Variants in DRD3 observed in about 807,000 individuals in gnomAD.
DRD3 encodes D(3) dopamine receptor.
A neutral mutation model predicts 36.3 loss-of-function variants in DRD3; 19 were observed. That is an observed-to-expected ratio of 0.52 (90% confidence interval 0.36 to 0.77). The LOEUF is 0.77. Ranked by LOEUF, DRD3 falls within the 30% of genes least tolerant of loss-of-function variation. The probability of loss-of-function intolerance (pLI) is 0.00; values close to 1 mark genes in which losing one functional copy is unlikely to be tolerated. For synonymous variants in DRD3, 195 were observed against 203.7 expected, an observed-to-expected ratio of 0.96 and a Z score of 0.36; for missense variants, 465 against 505.3, an observed-to-expected ratio of 0.92 and a Z score of 0.77.
intron 1 of DRD3, among the ~76,000 whole-genome samples, chr3:114,184,832 G>T (rs2077966814): frequency 6.6e-6 from 1 of 152,104 alleles, no homozygotes; most frequent in Non-Finnish European, 1.5e-5. Context: ...CCAAAATGTT[G>T]GGATTATATG....
chr3:114,131,515 A>T, intron 5 of DRD3, 115 bp from the exon 6 acceptor site: 1 of 1,381,066 alleles, frequency 7.2e-7, no homozygotes, highest in Non-Finnish European at 9.7e-7. Flanking sequence ...AGTTGTGGGA[A>T]ACCTACAAAG....
At chr3:114,147,578 G>A (rs747724322) in intron 3 of DRD3, 21 bp from the exon 4 acceptor site, 2 of 1,601,044 alleles carry the variant, frequency 1.2e-6, no homozygotes, top group South Asian at 2.2e-5. Flanking sequence ...AAGGGGAGAG[G>A]GGATAGGCAT....
intron 3 of DRD3, among the ~76,000 whole-genome samples, chr3:114,148,794 C>G (rs767303970): frequency 4.6e-5 from 7 of 152,152 alleles, no homozygotes; most frequent in Non-Finnish European, 8.8e-5. Flanking sequence ...CTCACTGCAA[C>G]CTCTGTCTCC....
At chr3:114,154,780 C>T (rs2077650056) in intron 3 of DRD3, among the ~76,000 whole-genome samples, 1 of 152,056 alleles carries the variant, frequency 6.6e-6, no homozygotes, top group Admixed American at 6.6e-5. Flanking sequence ...GGGCTCCTCT[C>T]GGAGGACTCT....
chr3:114,140,265 C>T (rs1559983674), intron 4 of DRD3, among the ~76,000 whole-genome samples: 1 of 152,188 alleles, frequency 6.6e-6, no homozygotes, highest in Non-Finnish European at 1.5e-5. Context: ...TTTGATTTTT[C>T]AGGGAATCCC....
intron 2 of DRD3, among the ~76,000 whole-genome samples, chr3:114,162,166 C>T (rs226082): frequency 0.6 from 90,761 of 152,044 alleles, 29,214 homozygotes; most frequent in East Asian, 0.72. Flanking sequence ...AGAAGTAAGG[C>T]ATTCATCAAT....
At chr3:114,164,016 T>G (rs941147596) in intron 2 of DRD3, among the ~76,000 whole-genome samples, 1 of 151,150 alleles carries the variant, frequency 6.6e-6, no homozygotes, top group Non-Finnish European at 1.5e-5. Flanking sequence ...AGGTCAGGAG[T>G]TCGAGACCAG....
At chr3:114,149,811 G>A (rs1158877224) in intron 3 of DRD3, among the ~76,000 whole-genome samples, 1 of 152,200 alleles carries the variant, frequency 6.6e-6, no homozygotes, top group African/African-American at 2.4e-5. Flanking sequence ...CAGTCAGCTA[G>A]AAAGTAGAGA....
Position 114,171,975 on chromosome 3 carries a change from C to T in DRD3, c.18G>A (p.Gln6=). ...AGGTGTAGTTCAGGTGGCCACTCAGCTGGCTCAGAGATGCCATAGCCCAGA... is the reference window on the plus strand; with the variant it reads ...AGGTGTAGTTCAGGTGGCCACTCAGTTGGCTCAGAGATGCCATAGCCCAGA... MASLS[Q]LSGHLNYTCG... is the part of the protein sequence containing the mutation. Residue 6 remains glutamine, a synonymous_variant, in exon 2 of 7, where the codon CAG becomes CAA. Coordinates refer to ENST00000383673, the MANE Select transcript of DRD3 (RefSeq NM_000796.6). 6.7e-7 allele frequency: 1 copy of T among 1,487,920 alleles called. No homozygotes were observed. Among genetic ancestry groups the T allele is most frequent in the Non-Finnish European group, 9.0e-7 (1 of 1,112,658 alleles). The allele number at this position is 1,487,920 out of a possible 1,614,324, so 92.2% of individuals were successfully genotyped here.
At chr3:114,130,896 T>C (rs1276886022) in intron 6 of DRD3, among the ~76,000 whole-genome samples, 2 of 152,252 alleles carry the variant, frequency 1.3e-5, no homozygotes, top group Admixed American at 6.5e-5. Context: ...CTCCATATAA[T>C]GGACAGCGCA....
chr3:114,139,458 G>A (rs374235555), intron 5 of DRD3, 42 bp downstream of exon 5: 2 of 1,573,440 alleles, frequency 1.3e-6, no homozygotes, highest in African/African-American at 1.3e-5. Context: ...GAAGTCAGGA[G>A]ATTGGGTGTT....
intron 3 of DRD3, among the ~76,000 whole-genome samples, chr3:114,158,516 T>A (rs1007740067): frequency 1.3e-5 from 2 of 152,218 alleles, no homozygotes; most frequent in South Asian, 4.1e-4. Flanking sequence ...TGCTTTATTA[T>A]CATTACCCCA....
chr3:114,159,915 G>T, intron 2 of DRD3, 48 bp from the exon 3 acceptor site: 2 of 1,554,960 alleles, frequency 1.3e-6, no homozygotes, highest in South Asian at 1.1e-5. Context: ...GTGAAGGAAC[G>T]ACAACCCAGT....
At chr3:114,129,172 A>G (rs1298374107) in intron 6 of DRD3, among the ~76,000 whole-genome samples, 1 of 151,872 alleles carries the variant, frequency 6.6e-6, no homozygotes, top group Non-Finnish European at 1.5e-5. Flanking sequence ...GTGAAACCCT[A>G]TGTCTACTAA....
At chr3:114,187,334 A>T (rs2077981040) in intron 1 of DRD3, among the ~76,000 whole-genome samples, 1 of 152,240 alleles carries the variant, frequency 6.6e-6, no homozygotes, top group African/African-American at 2.4e-5. Context: ...ACAAAGGAGC[A>T]GCTTTATCTT....
At chr3:114,135,617 G>C (rs2077467842) in intron 5 of DRD3, among the ~76,000 whole-genome samples, 1 of 152,052 alleles carries the variant, frequency 6.6e-6, no homozygotes, top group African/African-American at 2.4e-5. Context: ...ATTAAAATAA[G>C]CATATTTCAT....
chr3:114,165,481 T>C (rs2077774996), intron 2 of DRD3, among the ~76,000 whole-genome samples: 1 of 152,130 alleles, frequency 6.6e-6, no homozygotes, highest in African/African-American at 2.4e-5. Context: ...ATCTGTGATT[T>C]CTACTGGTGA....
intron 3 of DRD3, among the ~76,000 whole-genome samples, chr3:114,159,105 G>A (rs1215312772): frequency 6.6e-6 from 1 of 152,120 alleles, no homozygotes; most frequent in East Asian, 1.9e-4. Context: ...CTCAGGGATA[G>A]AAAGCAATGT....
intron 1 of DRD3, among the ~76,000 whole-genome samples, chr3:114,198,869 C>T (rs1311571266): frequency 6.6e-6 from 1 of 152,242 alleles, no homozygotes; most frequent in African/African-American, 2.4e-5. Context: ...TCTCAAGTAG[C>T]TAGGACTATA....
Sources: gnomAD v4.1 joint callset for allele counts (sites outside exome capture counted in the v4.1 genomes callset) on GRCh38, gnomAD v4.1.1 for gene constraint, MANE v1.5 for transcripts, NCBI Gene and HGNC (gene_info 2026-07-23, HGNC 2026-07-21) for gene names.